KCNH7: variants seen among roughly 807,000 people sequenced by gnomAD.
KCNH7 encodes the protein potassium voltage-gated channel subfamily H member 7, also known as voltage-gated inwardly rectifying potassium channel KCNH7.
KCNH7 carries 49 observed loss-of-function variants against 120.8 expected under a neutral mutation model. The observed-to-expected ratio is 0.41, with a 90% CI of 0.32 to 0.51. The LOEUF (loss-of-function observed/expected upper bound fraction) is 0.51, where lower values mean the gene tolerates loss of function less well. KCNH7 is among the 20% of genes least tolerant of loss of function. The probability of loss-of-function intolerance (pLI) is 0.38; values close to 1 mark genes in which losing one functional copy is unlikely to be tolerated. For synonymous variants in KCNH7, 547 were observed against 516.1 expected (o/e 1.06, Z -0.81); for missense variants, 1,097 against 1,446.6 (o/e 0.76, Z 3.92).
chr2:162,757,392 T>C (rs370869842), intron 2 of KCNH7, among the ~76,000 whole-genome samples: 1 of 152,306 alleles, frequency 6.6e-6, no homozygotes, highest in East Asian at 1.9e-4. Flanking sequence ...GTCTATTTAA[T>C]GAATTTTTCC....
In KCNH7 at chr2:162,371,606, G is replaced by C; in HGVS notation, c.*223C>G. 1.2e-6 allele frequency: 1 copy of C among 815,842 alleles called. No individual in the cohort carries two copies. Among genetic ancestry groups the C allele is most frequent in the South Asian group, 2.4e-5 (1 of 41,340 alleles). 50.5% of individuals were successfully genotyped at this position (815,842 alleles called of 1,614,324 possible). The stretch of plus-strand genomic sequence containing the variant: ...AAAAATAAAAAATAAGGTGCCGTGA[G>C]ATGCTGGCAGTTTTAACATTTGGAA... On this transcript the variant is annotated 3_prime_UTR_variant, in exon 16 of 16. Coordinates refer to ENST00000332142, the MANE Select transcript of KCNH7 (RefSeq NM_033272.4).
chr2:162,619,039 A>T (rs1366919613), intron 2 of KCNH7, among the ~76,000 whole-genome samples: 1 of 152,138 alleles, frequency 6.6e-6, no homozygotes, highest in Admixed American at 6.5e-5. Context: ...GCCCTGAAGA[A>T]AATTATTATC....
Position 162,838,538 on chromosome 2 carries a change from G to T in KCNH7, c.-20C>A. The T allele has an allele frequency of 1.2e-6, 2 of 1,604,538 alleles. No individual in the cohort carries two copies. Among genetic ancestry groups the T allele is most frequent in the African/African-American group, 1.3e-5 (1 of 74,870 alleles). On this transcript the variant is annotated 5_prime_UTR_variant, in exon 1 of 16. Transcript: ENST00000332142. ...AGGCATGTTGGCCCCGGTCTTCCGA[G>T]GAGCGCTCCCCCGGAGCTCTGGAGT...
At position 162,504,657 on chromosome 2, in the gene KCNH7, C is replaced by A; in HGVS notation, c.914G>T (p.Gly305Val). 6.3e-7 allele frequency: 1 copy of A among 1,598,268 alleles called. No homozygotes were observed. Among genetic ancestry groups the A allele is most frequent in the Non-Finnish European group, 8.6e-7 (1 of 1,168,556 alleles). The change falls in exon 6 of 16, where the codon GGG (glycine) becomes GTG (valine). Residue 305 changes from glycine (G) to valine (V), a missense_variant and splice_region_variant. Transcript: ENST00000332142. ...GCTTGACTTGATATGATTAAAAGGC[C>A]CTAAAAAAATGGAAAGTATTTGTAA... ...ASEDNGRNVK[G>V]PFNHIKSSLL...
chr2:162,562,837 C>A (rs1427471246), intron 2 of KCNH7, among the ~76,000 whole-genome samples: 7 of 152,166 alleles, frequency 4.6e-5, no homozygotes, highest in African/African-American at 1.7e-4. Flanking sequence ...AGCATAAACT[C>A]TTTCCTTCTA....
intron 2 of KCNH7, among the ~76,000 whole-genome samples, chr2:162,648,425 G>T (rs932024867): frequency 6.6e-6 from 1 of 152,098 alleles, no homozygotes; most frequent in Non-Finnish European, 1.5e-5. Flanking sequence ...TCAACACATG[G>T]ATATTACAAT....
chr2:162,766,700 T>TATCTTAAAATATC (rs1682822968), intron 2 of KCNH7, among the ~76,000 whole-genome samples: 1 of 152,122 alleles, frequency 6.6e-6, no homozygotes, highest in Non-Finnish European at 1.5e-5. Flanking sequence ...CGTCCAGGGA[T>TATCTTAAAATATC]TTTCATATGG....
intron 9 of KCNH7, among the ~76,000 whole-genome samples, chr2:162,402,210 G>A (rs552794925): frequency 6.6e-6 from 1 of 150,974 alleles, no homozygotes; most frequent in South Asian, 2.1e-4. Flanking sequence ...CCAGGTCCTG[G>A]AGGCCCTTTC....
chr2:162,433,004 T>A lies in KCNH7; in HGVS notation c.1954+2194A>T, dbSNP rs553631810. ...GTAGCATTTCATGAACCAATAATGTTCCAAATCAAGAATGCAATCCCATTT... is the reference window on the plus strand; with the variant it reads ...GTAGCATTTCATGAACCAATAATGTACCAAATCAAGAATGCAATCCCATTT... On this transcript the variant is annotated intron_variant, in intron 8 of 15. Coordinates refer to ENST00000332142, the MANE Select transcript of KCNH7 (RefSeq NM_033272.4). Among the ~76,000 whole-genome samples, 8 of 151,740 alleles carry A rather than the reference T, an allele frequency of 5.3e-5. No homozygotes were observed. The East Asian group carries it at 1.5e-3, about 29-fold the overall frequency.
At chr2:162,646,073 C>G (rs1684350215) in intron 2 of KCNH7, among the ~76,000 whole-genome samples, 1 of 152,124 alleles carries the variant, frequency 6.6e-6, no homozygotes, top group Non-Finnish European at 1.5e-5. Flanking sequence ...CTAGTTTTGT[C>G]AACTCAGTGT....
chr2:162,404,862 G>A (rs1440091818), intron 9 of KCNH7, among the ~76,000 whole-genome samples: 1 of 151,998 alleles, frequency 6.6e-6, no homozygotes, highest in Non-Finnish European at 1.5e-5. Context: ...AAACATGTCT[G>A]AAATTATATC....
chr2:162,803,139 G>A (rs761370002), intron 2 of KCNH7, among the ~76,000 whole-genome samples: 12 of 151,660 alleles, frequency 7.9e-5, no homozygotes, highest in African/African-American at 2.2e-4. Flanking sequence ...CAGTGAGATC[G>A]CCAATTTATT....
At chr2:162,419,499 G>C (rs1244112389) in intron 9 of KCNH7, among the ~76,000 whole-genome samples, 5 of 151,998 alleles carry the variant, frequency 3.3e-5, no homozygotes, top group African/African-American at 1.2e-4. Context: ...TTGCAGAGAG[G>C]TTAAGTGACT....
At chr2:162,809,031 A>G (rs1243661065) in intron 2 of KCNH7, among the ~76,000 whole-genome samples, 1 of 152,188 alleles carries the variant, frequency 6.6e-6, no homozygotes, top group Non-Finnish European at 1.5e-5. Flanking sequence ...TAACCTATTA[A>G]AAATTGAATT....
rs926895578 is a variant in KCNH7 at position 162,517,921 on chromosome 2, G to T, written c.701C>A (p.Pro234His). 1 of 1,612,348 alleles carries T rather than the reference G, an allele frequency of 6.2e-7. No individual in the cohort carries two copies. The highest frequency in any genetic ancestry group is 8.5e-7 in the Non-Finnish European group (1 of 1,178,880). Reference sequence around the variant, plus strand: ...CCTTTTGGGAGAGGAATGGTCAAGAGGTCCGGATATATTCACCAAGGGAGA... The same window carrying T: ...CCTTTTGGGAGAGGAATGGTCAAGATGTCCGGATATATTCACCAAGGGAGA... Reference protein sequence around the residue: ...KCSPLVNISGPLDHSSPKRQW... With the variant: ...KCSPLVNISGHLDHSSPKRQW... The change falls in exon 4 of 16, where the codon CCT becomes CAT. Residue 234 changes from proline to histidine, a missense_variant. Pro to His is a moderately conservative substitution (Grantham distance 77). This residue lies in a region of KCNH7 where 362 missense variants were observed against 372.2 expected (regional missense o/e 0.97). Transcript: ENST00000332142.
chr2:162,805,609 A>C (rs562574263), intron 2 of KCNH7, among the ~76,000 whole-genome samples: 1 of 151,338 alleles, frequency 6.6e-6, no homozygotes, highest in East Asian at 2.0e-4. Context: ...ATATGGTAAA[A>C]GGAGAATGCT....
rs182119452 is a variant in KCNH7, at chr2:162,664,639, G to A, written c.308-127559C>T. Among the ~76,000 whole-genome samples the A allele has an allele frequency of 1.5e-4, 23 of 152,206 alleles. No individual in the cohort carries two copies. In the East Asian group the frequency reaches 1.5e-3, roughly 10 times the overall value. The stretch of plus-strand genomic sequence containing the variant: ...AGACAGAGAAAGTAATTGAAATATC[G>A]TAGATTACAATAATAAATTGGAGTT... On this transcript the variant is annotated intron_variant, in intron 2 of 15. Transcript: ENST00000332142.
intron 2 of KCNH7, among the ~76,000 whole-genome samples, chr2:162,585,403 A>T (rs1198635685): frequency 6.6e-6 from 1 of 152,086 alleles, no homozygotes; most frequent in African/African-American, 2.4e-5. Context: ...AGAAAGCAAC[A>T]GTTGAATACT....
At chr2:162,785,139 G>A (rs573237231) in intron 2 of KCNH7, 1 of 152,238 alleles carries the variant, frequency 6.6e-6, no homozygotes, top group African/African-American at 2.4e-5. Flanking sequence ...CAATAAGGAT[G>A]GTCTTTTCTA....
Sources: allele counts gnomAD v4.1 joint callset (sites outside exome capture counted in the v4.1 genomes callset), GRCh38; gene constraint gnomAD v4.1.1; regional missense constraint gnomAD v4.1.1; transcripts MANE v1.5; gene names NCBI Gene and HGNC (gene_info 2026-07-23, HGNC 2026-07-21).